CDKAL1: variants seen among roughly 807,000 people sequenced by gnomAD.
The protein encoded by CDKAL1 is CDKAL1 threonylcarbamoyladenosine tRNA methylthiotransferase.
CDKAL1 carries 32 observed loss-of-function variants against 68.2 expected under a neutral mutation model. The ratio of observed to expected loss-of-function variants is 0.47; its 90% confidence interval spans 0.35 to 0.63. CDKAL1 has a LOEUF of 0.63. Ranked by LOEUF, CDKAL1 falls within the 30% of genes least tolerant of loss-of-function variation. The probability of loss-of-function intolerance (pLI) is 0.00; values close to 1 mark genes in which losing one functional copy is unlikely to be tolerated. For missense variants in CDKAL1, 606 were observed against 696.7 expected (o/e 0.87, Z 1.47); for synonymous variants, 234 against 244.3 (o/e 0.96, Z 0.39).
intron 5 of CDKAL1, among the ~76,000 whole-genome samples, chr6:20,673,397 C>A (rs1287872396): frequency 1.3e-5 from 2 of 151,984 alleles, no homozygotes; most frequent in Non-Finnish European, 2.9e-5. Context: ...ACTTGTAATC[C>A]CTAATAGTAT....
intron 9 of CDKAL1, among the ~76,000 whole-genome samples, chr6:20,891,296 T>G (rs1761378588): frequency 6.6e-6 from 1 of 152,200 alleles, no homozygotes. Context: ...CTAGTGGTCT[T>G]GAACTGAGTA....
chr6:20,810,779 A>G (rs1776782581), intron 8 of CDKAL1, among the ~76,000 whole-genome samples: 1 of 152,048 alleles, frequency 6.6e-6, no homozygotes, highest in Non-Finnish European at 1.5e-5. Context: ...TTTCCTTAAT[A>G]TCATTAAACA....
chr6:20,892,737 A>G (rs932583262), intron 9 of CDKAL1, among the ~76,000 whole-genome samples: 2 of 152,186 alleles, frequency 1.3e-5, no homozygotes, highest in African/African-American at 4.8e-5. Context: ...CATATTAACT[A>G]TCCACTTCCA....
At chr6:21,163,439 T>C (rs1777010524) in intron 13 of CDKAL1, among the ~76,000 whole-genome samples, 1 of 152,152 alleles carries the variant, frequency 6.6e-6, no homozygotes, top group African/African-American at 2.4e-5. Flanking sequence ...GGGAATACAG[T>C]AGCCTTTAGT....
chr6:20,774,101 A>G (rs538429645), intron 7 of CDKAL1, among the ~76,000 whole-genome samples: 351 of 152,326 alleles, frequency 2.3e-3, no homozygotes, highest in Non-Finnish European at 3.8e-3. Context: ...GTGGTAGTGG[A>G]GGTGGATGGT....
intron 12 of CDKAL1, among the ~76,000 whole-genome samples, chr6:21,090,614 G>C (rs1772952144): frequency 6.6e-6 from 1 of 152,110 alleles, no homozygotes; most frequent in Non-Finnish European, 1.5e-5. Context: ...ATATATGAAA[G>C]TATACATAAA....
At chr6:21,195,477 T>TTTTTTTTATTTA (rs1554194774) in intron 13 of CDKAL1, among the ~76,000 whole-genome samples, 5 of 118,584 alleles carry the variant, frequency 4.2e-5, no homozygotes, top group Non-Finnish European at 7.2e-5. Flanking sequence ...GAGATGTTTT[T>TTTTTTTTATTTA]TTTATTTATT....
At chr6:20,650,672 T>A (rs1768719712) in intron 5 of CDKAL1, among the ~76,000 whole-genome samples, 1 of 152,146 alleles carries the variant, frequency 6.6e-6, no homozygotes, top group Non-Finnish European at 1.5e-5. Flanking sequence ...TCTTCTTGGG[T>A]TTTTGAAGTT....
intron 4 of CDKAL1, among the ~76,000 whole-genome samples, chr6:20,584,946 C>A (rs571173728): frequency 1.3e-5 from 2 of 152,274 alleles, no homozygotes; most frequent in Non-Finnish European, 2.9e-5. Context: ...CCGCCAAGGT[C>A]ATTGCTCCTG....
chr6:21,094,209 C>T (rs1773204437), intron 12 of CDKAL1, among the ~76,000 whole-genome samples: 1 of 151,560 alleles, frequency 6.6e-6, no homozygotes, highest in Admixed American at 6.6e-5. Context: ...CTCATCTTCC[C>T]TAGAGGGAAG....
At position 21,132,483 on chromosome 6, in the gene CDKAL1, A is replaced by AC. The variant is rs1479326518; in HGVS notation, c.1299+24020_1299+24021insC. ...TAAAAATCTCTTAAGCTCAGCCATT[A>AC]TACATAAGGTCTTATTTATGTTAAT... On this transcript the variant is annotated intron_variant, in intron 13 of 15. Coordinates refer to ENST00000274695, the MANE Select transcript of CDKAL1 (RefSeq NM_017774.3). Among the ~76,000 whole-genome samples, 611 of 152,250 alleles carry AC rather than the reference A, an allele frequency of 4.0e-3. 5 individuals carry two copies. Among genetic ancestry groups the AC allele is most frequent in the African/African-American group, 0.014 (582 of 41,550 alleles).
intron 4 of CDKAL1, among the ~76,000 whole-genome samples, chr6:20,577,566 A>T (rs900998588): frequency 4.6e-5 from 7 of 152,230 alleles, no homozygotes; most frequent in African/African-American, 1.7e-4. Context: ...AATAGCTAGA[A>T]TGGAATAGGT....
intron 13 of CDKAL1, among the ~76,000 whole-genome samples, chr6:21,137,159 G>A (rs2446487): frequency 0.35 from 53,896 of 152,052 alleles, 9,697 homozygotes; most frequent in Admixed American, 0.44. Flanking sequence ...TGAACAAAAG[G>A]TCACCAAGAC....
intron 8 of CDKAL1, among the ~76,000 whole-genome samples, chr6:20,820,759 T>C (rs1311227858): frequency 6.6e-6 from 1 of 152,082 alleles, no homozygotes. Flanking sequence ...AAATGTTTAT[T>C]GAGGGCCTAC....
At chr6:21,076,220 G>T (rs1772065472) in intron 12 of CDKAL1, among the ~76,000 whole-genome samples, 1 of 152,066 alleles carries the variant, frequency 6.6e-6, no homozygotes, top group African/African-American at 2.4e-5. Context: ...TTGTTGCTGT[G>T]GGTGTTCATA....
intron 9 of CDKAL1, among the ~76,000 whole-genome samples, chr6:20,915,242 G>A (rs1561881455): frequency 6.6e-6 from 1 of 151,726 alleles, no homozygotes; most frequent in Non-Finnish European, 1.5e-5. Flanking sequence ...CCAGTCTTAG[G>A]AGATGTATCA....
intron 5 of CDKAL1, among the ~76,000 whole-genome samples, chr6:20,658,713 T>C (rs1236663893): frequency 1.3e-5 from 2 of 152,228 alleles, no homozygotes; most frequent in African/African-American, 4.8e-5. Context: ...ACCTTTTCAG[T>C]TAGTAATTAT....
intron 10 of CDKAL1, among the ~76,000 whole-genome samples, chr6:20,973,729 C>G (rs761981601): frequency 3.3e-5 from 5 of 152,064 alleles, no homozygotes; most frequent in Non-Finnish European, 7.4e-5. Context: ...CTCAGCCTCC[C>G]AAGTAGCTGG....
Position 20,659,637 on chromosome 6 carries a change from G to A in CDKAL1, c.371+10260G>A, listed in dbSNP as rs775486773. On this transcript the variant is annotated intron_variant, in intron 5 of 15. Coordinates refer to ENST00000274695, the MANE Select transcript of CDKAL1 (RefSeq NM_017774.3). ...GTATGCTGATTTCTCCCAAATCTTC[G>A]TCTTTGATCTGTATATCTCCTTACA... 5.3e-5 allele frequency among the ~76,000 whole-genome samples: 8 copies of A among 152,024 alleles called. No homozygotes were observed. In the East Asian group the frequency reaches 5.8e-4, roughly 11 times the overall value.
Sources: allele counts gnomAD v4.1 joint callset (sites outside exome capture counted in the v4.1 genomes callset), GRCh38; gene constraint gnomAD v4.1.1; transcripts MANE v1.5; gene names NCBI Gene and HGNC (gene_info 2026-07-23, HGNC 2026-07-21).